Variants in MRPS31 observed in about 807,000 individuals in gnomAD.
MRPS31 encodes the protein small ribosomal subunit protein mS31.
MRPS31 carries 32 observed loss-of-function variants against 43.1 expected under a neutral mutation model. The observed-to-expected ratio is 0.74, with a 90% confidence interval of 0.56 to 1.00. The LOEUF (loss-of-function observed/expected upper bound fraction) is 1.00. Among genes scored for constraint, MRPS31 ranks in the 50% least tolerant of loss-of-function variants. The pLI is 0.00. For synonymous variants in MRPS31, 165 were observed against 161.6 expected, an observed-to-expected ratio of 1.02 and a Z score of -0.16; for missense variants, 437 against 466.7, an observed-to-expected ratio of 0.94 and a Z score of 0.59.
chr13:40,769,902 C>G (rs1278039434), intron 1 of MRPS31, among the ~76,000 whole-genome samples: 1 of 152,198 alleles, frequency 6.6e-6, no homozygotes, highest in Non-Finnish European at 1.5e-5. Context: ...AGCAGCTCAT[C>G]AGTACTTCAA....
chr13:40,766,821 T>C lies in MRPS31; in HGVS notation c.365A>G (p.Lys122Arg). Residue 122 changes from lysine (K) to arginine (R), a missense_variant, in exon 2 of 7, where the codon AAA becomes AGA. Physicochemically the swap from Lys to Arg is conservative, Grantham distance 26. Transcript: ENST00000323563. ...TVNVRTTKPP[K>R]RRPLKSLEAT... is the part of the protein sequence containing the mutation. ...TTCCAAACTTTTAAGTGGTCTTCTT[T>C]TGGGGGGCTTTGTTGTTCGTACATT... The C allele has an allele frequency of 6.2e-7, 1 of 1,614,160 alleles. No homozygotes were observed. The highest frequency in any genetic ancestry group is 8.5e-7 in the Non-Finnish European group (1 of 1,180,008).
rs1880022320 is a variant in MRPS31, at chr13:40,739,598, T to C, written c.958+9540A>G. On this transcript the variant is annotated intron_variant, in intron 6 of 6. Coordinates refer to ENST00000323563, the MANE Select transcript of MRPS31 (RefSeq NM_005830.4). ...ACTGGTACCAAAACAGAGACATAGA[T>C]CAATGGAACAGAACAGAGCCCTCAG... 2.0e-5 allele frequency among the ~76,000 whole-genome samples: 3 copies of C among 151,976 alleles called. No homozygotes were observed. The South Asian group carries it at 6.2e-4, about 32-fold the overall frequency.
chr13:40,737,775 C>A (rs1025270091), intron 6 of MRPS31, among the ~76,000 whole-genome samples: 1 of 151,638 alleles, frequency 6.6e-6, no homozygotes, highest in Non-Finnish European at 1.5e-5. Flanking sequence ...ATCTCTGGGA[C>A]ACATTCAAAG....
intron 6 of MRPS31, among the ~76,000 whole-genome samples, chr13:40,738,575 A>C (rs1435249365): frequency 6.6e-6 from 1 of 152,130 alleles, no homozygotes; most frequent in Non-Finnish European, 1.5e-5. Context: ...CAGCACATCA[A>C]AAAGCTTATC....
In MRPS31 at chr13:40,730,926, CATAA is replaced by C. The variant is rs1394331219; in HGVS notation, c.959-1329_959-1326del. ...ACTATAAAAATTATATTTTAAAATA[CATAA>C]ATAAGATGGAATTGTGAAAAATGTT... On this transcript the variant is annotated intron_variant, in intron 6 of 6. Transcript: ENST00000323563. The C allele has an allele frequency of 1.3e-5, 2 of 151,754 alleles. 1 individual carries two copies. Among genetic ancestry groups the C allele is most frequent in the Admixed American group, 1.3e-4 (2 of 15,224 alleles). 9.4% of individuals were successfully genotyped at this position (151,754 alleles called of 1,614,324 possible). A position where few individuals can be genotyped will look rare whatever the true frequency, so the allele number is the denominator to read the frequency against.
intron 2 of MRPS31, among the ~76,000 whole-genome samples, chr13:40,761,487 G>T (rs1880693637): frequency 6.6e-6 from 1 of 152,016 alleles, no homozygotes; most frequent in Admixed American, 6.6e-5. Flanking sequence ...CATAACAATG[G>T]TTTCCTATGT....
At position 40,766,915 on chromosome 13, in the gene MRPS31, C is replaced by T. The variant is rs759664412; in HGVS notation, c.271G>A (p.Glu91Lys). 3.7e-6 allele frequency: 6 copies of T among 1,614,088 alleles called. No individual in the cohort carries two copies. The highest frequency in any genetic ancestry group is 3.3e-5 in the Admixed American group (2 of 60,016). The change falls in exon 2 of 7, where the codon GAA becomes AAA. Residue 91 changes from glutamate to lysine, a missense_variant. Transcript: ENST00000323563. ...AAGTCTTTTTTCGTATTTTCCTTTT[C>T]ACTGTCTTGGCTCTCTGAAGTCTCC... The part of the protein sequence containing the change: ...SKETSESQDS[E>K]KENTKKDLLG...
intron 2 of MRPS31, among the ~76,000 whole-genome samples, chr13:40,764,939 A>G (rs1030858153): frequency 3.3e-5 from 5 of 152,230 alleles, no homozygotes; most frequent in Non-Finnish European, 7.3e-5. Flanking sequence ...CATGGTAACC[A>G]TATCAATGAA....
chr13:40,762,813 TG>T (rs1468772891), intron 2 of MRPS31, among the ~76,000 whole-genome samples: 1 of 150,666 alleles, frequency 6.6e-6, no homozygotes, highest in South Asian at 2.1e-4. Context: ...TGTGTGTGTG[TG>T]TGTGTGTGTG....
intron 6 of MRPS31, among the ~76,000 whole-genome samples, chr13:40,735,424 C>A (rs867649765): frequency 6.6e-6 from 1 of 152,160 alleles, no homozygotes; most frequent in Non-Finnish European, 1.5e-5. Context: ...TGGGTGGAGC[C>A]CACCACAGCT....
intron 6 of MRPS31, among the ~76,000 whole-genome samples, chr13:40,741,697 T>C (rs1297867065): frequency 6.6e-6 from 1 of 152,118 alleles, no homozygotes; most frequent in Non-Finnish European, 1.5e-5. Context: ...TATTCTGAAT[T>C]GTACTCAAAC....
chr13:40,759,036 G>A lies in MRPS31; in HGVS notation c.511C>T (p.Gln171Ter). The A allele has an allele frequency of 6.2e-7, 1 of 1,608,186 alleles. No individual in the cohort carries two copies. The highest frequency in any genetic ancestry group is 8.5e-7 in the Non-Finnish European group (1 of 1,177,672). The change falls in exon 3 of 7, where the codon CAA (glutamine) becomes TAA (stop). Residue 171 changes from glutamine (Q) to a stop codon, truncating the protein, a stop_gained. Transcript: ENST00000323563. LOFTEE classifies it high-confidence loss of function. ...AVADSLPFDKQTTKSELLSQL... is the reference protein window; with the variant it reads ...AVADSLPFDK ...CTCAGCAGCTCTGACTTGGTTGTTT[G>A]CTTATCAAAAGGGAGAGAATCTGCC...
At chr13:40,751,471 T>C (rs539091969) in intron 5 of MRPS31, among the ~76,000 whole-genome samples, 2 of 152,204 alleles carry the variant, frequency 1.3e-5, no homozygotes, top group Admixed American at 1.3e-4. Context: ...TTGAATCCAG[T>C]TCTACACAAC....
In MRPS31 at chr13:40,771,162, A is replaced by C. The variant is rs1881004637; in HGVS notation, c.-26T>G. 1.3e-6 allele frequency: 2 copies of C among 1,579,652 alleles called. No homozygotes were observed. Among genetic ancestry groups the C allele is most frequent in the African/African-American group, 1.4e-5 (1 of 74,044 alleles). ...CGCCGAGACACGAAATGAACCAAGA[A>C]CACAACTGAAATGGTGCGTCCCGCT... On this transcript the variant is annotated 5_prime_UTR_variant, in exon 1 of 7. Coordinates refer to ENST00000323563, the MANE Select transcript of MRPS31 (RefSeq NM_005830.4).
At chr13:40,729,649 C>G (rs1242476867) in intron 6 of MRPS31, 48 bp from the exon 7 acceptor site, 2 of 1,176,340 alleles carry the variant, frequency 1.7e-6, no homozygotes, top group Admixed American at 1.9e-5. Context: ...AAATACAAAA[C>G]CTACATCATA....
intron 1 of MRPS31, 81 bp from the exon 2 acceptor site, chr13:40,767,114 A>T: frequency 2.6e-6 from 3 of 1,152,930 alleles, no homozygotes; most frequent in Non-Finnish European, 3.6e-6. Flanking sequence ...CAATAAAGTA[A>T]AAAACTATGT....
intron 6 of MRPS31, among the ~76,000 whole-genome samples, chr13:40,747,241 G>A (rs1880265348): frequency 6.6e-6 from 1 of 152,054 alleles, no homozygotes; most frequent in African/African-American, 2.4e-5. Flanking sequence ...ACTGTGCCCG[G>A]CCTAATACTG....
intron 6 of MRPS31, among the ~76,000 whole-genome samples, chr13:40,747,586 T>C (rs1880274008): frequency 6.6e-6 from 1 of 152,190 alleles, no homozygotes; most frequent in South Asian, 2.1e-4. Context: ...AGGTACTATA[T>C]GAATATACAG....
intron 6 of MRPS31, among the ~76,000 whole-genome samples, chr13:40,747,884 T>A (rs1167694953): frequency 6.6e-6 from 1 of 152,122 alleles, no homozygotes; most frequent in African/African-American, 2.4e-5. Context: ...ATTAAGAATT[T>A]GCTAAAAGAA....
Sources: gnomAD v4.1 joint callset for allele counts (sites outside exome capture counted in the v4.1 genomes callset) on GRCh38, gnomAD v4.1.1 for gene constraint, MANE v1.5 for transcripts, NCBI Gene and HGNC (gene_info 2026-07-23, HGNC 2026-07-21) for gene names.